RASA3: variants seen among roughly 807,000 people sequenced by gnomAD.
The protein encoded by RASA3 is ras GTPase-activating protein 3.
In RASA3, 73 loss-of-function variants were observed where a neutral mutation model predicts 110.0. The ratio of observed to expected loss-of-function variants is 0.66; its 90% CI spans 0.55 to 0.81. RASA3 has a LOEUF of 0.81. RASA3 is among the 30% of genes least tolerant of loss of function. The probability of loss-of-function intolerance (pLI) is 0.00; values close to 1 mark genes in which losing one functional copy is unlikely to be tolerated. For missense variants in RASA3, 976 were observed against 1,113.2 expected, an observed-to-expected ratio of 0.88 and a Z score of 1.75; for synonymous variants, 500 against 451.4, an observed-to-expected ratio of 1.11 and a Z score of -1.37.
intron 23 of RASA3, among the ~76,000 whole-genome samples, chr13:113,980,649 C>A (rs1357170957): frequency 6.6e-6 from 1 of 152,250 alleles, no homozygotes; most frequent in East Asian, 1.9e-4. Flanking sequence ...GGGGCTGTCT[C>A]CCCAGAAGGG....
rs1199405198 is a variant in RASA3, at chr13:113,981,757, C to T, written c.2347G>A (p.Val783Ile). ...PQETYKTLKQ[V>I]IAGVGALEQE... is the part of the protein sequence containing the mutation. ...TCCAAAGCCCCAACCCCAGCGATGA[C>T]TTGCTTTAGCGTCTTGTAGGTCTCC... Residue 783 changes from valine (V) to isoleucine (I), a missense_variant, in exon 23 of 24, where the codon GTC (valine) becomes ATC (isoleucine). Physicochemically the swap from Val to Ile is conservative, Grantham distance 29. Coordinates refer to ENST00000334062, the MANE Select transcript of RASA3 (RefSeq NM_007368.4). 1 of 1,614,174 alleles carries T rather than the reference C, an allele frequency of 6.2e-7. No homozygotes were observed. Among genetic ancestry groups the T allele is most frequent in the South Asian group, 1.1e-5 (1 of 91,090 alleles).
chr13:114,027,237 C>T lies in RASA3; in HGVS notation c.603+152G>A, dbSNP rs536705572. On this transcript the variant is annotated intron_variant, in intron 7 of 23. Transcript: ENST00000334062. ...CCGGCCGGCGGGGCTCGCTCCTCTC[C>T]GGAAGGAACCCAGGGCCGGCTGGCG... The T allele has an allele frequency of 7.2e-5, 52 of 718,256 alleles. No individual in the cohort carries two copies. In the South Asian group the frequency reaches 8.2e-4, roughly 11 times the overall value. 44.5% of individuals were successfully genotyped at this position (718,256 alleles called of 1,614,324 possible).
rs915154332 is a variant in RASA3 at position 114,056,899 on chromosome 13, C to T, written c.174-4744G>A. ...CTCCAGCCTCCACCCAGGAATTTCT[C>T]CAGCAATGGCTTTAGAACCTTGCTC... is the stretch of plus-strand genomic sequence containing the variant. On this transcript the variant is annotated intron_variant, in intron 2 of 23. Coordinates refer to ENST00000334062, the MANE Select transcript of RASA3 (RefSeq NM_007368.4). This position sits in a 1 kb window ranked among gnomAD's most constrained non-coding sequence, Gnocchi z 5.7. 8.5e-5 allele frequency among the ~76,000 whole-genome samples: 13 copies of T among 152,150 alleles called. No individual in the cohort carries two copies. The highest frequency in any genetic ancestry group is 2.0e-4 in the Admixed American group (3 of 15,286).
At chr13:114,076,849 T>A (rs1416033380) in intron 1 of RASA3, among the ~76,000 whole-genome samples, 1 of 152,092 alleles carries the variant, frequency 6.6e-6, no homozygotes, top group East Asian at 1.9e-4. Flanking sequence ...GTCCTTACCC[T>A]CAAACACAGC....
rs1005174348 is a variant in RASA3, at chr13:114,095,579, C to T, written c.56-21742G>A. Among the ~76,000 whole-genome samples the T allele has an allele frequency of 1.3e-4, 20 of 152,234 alleles. 1 individual carries two copies. The highest frequency in any genetic ancestry group is 2.9e-4 in the African/African-American group (12 of 41,538). On this transcript the variant is annotated intron_variant, in intron 1 of 23. Transcript: ENST00000334062. Reference sequence around the variant, plus strand: ...AGTCTCAGGGCTTCACTCCTTCCTGCGGCTGATTAATGGAGACTTGTTTAT... The same window carrying T: ...AGTCTCAGGGCTTCACTCCTTCCTGTGGCTGATTAATGGAGACTTGTTTAT...
At chr13:114,100,064 T>C (rs1315618007) in intron 1 of RASA3, among the ~76,000 whole-genome samples, 2 of 150,572 alleles carry the variant, frequency 1.3e-5, no homozygotes, top group African/African-American at 2.5e-5. Context: ...GCAAAGCGTC[T>C]GCTCTGGAAG....
At chr13:113,984,753 C>G in intron 22 of RASA3, among the ~76,000 whole-genome samples, 1 of 72,104 alleles carries the variant, frequency 1.4e-5, no homozygotes, top group African/African-American at 4.4e-5. Context: ...TCCATCCACC[C>G]ATTACTCACC....
At chr13:114,105,868 C>T (rs370773400) in intron 1 of RASA3, among the ~76,000 whole-genome samples, 4 of 152,186 alleles carry the variant, frequency 2.6e-5, no homozygotes, top group East Asian at 3.8e-4. Context: ...GAAACTATTA[C>T]GGTAAGCTAC....
intron 8 of RASA3, among the ~76,000 whole-genome samples, chr13:114,023,121 G>T (rs568339897): frequency 1.3e-5 from 2 of 152,222 alleles, no homozygotes; most frequent in Admixed American, 1.3e-4. Flanking sequence ...TCCCATTAAG[G>T]GTCCCCCCAG....
intron 21 of RASA3, among the ~76,000 whole-genome samples, 163 bp from the exon 22 acceptor site, chr13:113,992,751 T>C (rs1202503463): frequency 3.3e-5 from 5 of 152,256 alleles, no homozygotes; most frequent in Admixed American, 3.3e-4. Context: ...AGCCGGTGTG[T>C]TGGCTTGCTG....
chr13:113,997,898 T>C (rs1029042923), intron 20 of RASA3, among the ~76,000 whole-genome samples: 4 of 152,216 alleles, frequency 2.6e-5, no homozygotes, highest in East Asian at 3.9e-4. Context: ...ACCCGGCACA[T>C]GTGTATAGGT....
intron 18 of RASA3, among the ~76,000 whole-genome samples, chr13:114,003,725 C>T (rs1450937466): frequency 1.3e-5 from 2 of 152,180 alleles, no homozygotes; most frequent in African/African-American, 2.4e-5. Flanking sequence ...AGCTCACAGC[C>T]TATGCCCCTT....
At position 114,073,779 on chromosome 13, in the gene RASA3, G is replaced by A; in HGVS notation, c.114C>T (p.Cys38=). The A allele has an allele frequency of 6.2e-7, 1 of 1,614,216 alleles. No individual in the cohort carries two copies. The highest frequency in any genetic ancestry group is 8.5e-7 in the Non-Finnish European group (1 of 1,180,040). Residue 38 remains cysteine, a synonymous_variant, in exon 2 of 24, where the codon TGC becomes TGT. Transcript: ENST00000334062. The part of the protein sequence containing the change: ...PGPSKMRDCY[C]TVNLDQEEVF... ...CCTCCTCCTGGTCCAGGTTCACCGT[G>A]CAGTAGCAATCCCTCATCTTGCTCG...
At chr13:114,030,989 C>T (rs1280708087) in intron 4 of RASA3, among the ~76,000 whole-genome samples, 1 of 151,254 alleles carries the variant, frequency 6.6e-6, no homozygotes, top group African/African-American at 2.4e-5. Context: ...GTGTGTCCGC[C>T]TGTGTGTGCG....
intron 18 of RASA3, among the ~76,000 whole-genome samples, chr13:114,005,378 GCT>G (rs775289522): frequency 6.6e-6 from 1 of 152,222 alleles, no homozygotes; most frequent in Non-Finnish European, 1.5e-5. Flanking sequence ...AGGTTGATGG[GCT>G]CTGATGCTCC....
In RASA3 at chr13:114,025,015, G is replaced by T. The variant is rs556566917; in HGVS notation, c.604-660C>A. 1.1e-3 allele frequency among the ~76,000 whole-genome samples: 174 copies of T among 151,668 alleles called. 1 individual carries two copies. Among genetic ancestry groups the T allele is most frequent in the African/African-American group, 4.1e-3 (167 of 40,920 alleles). ...AGCAGAGCAGGAGGCCGACCCACAG[G>T]CTCCAGGAGACAGTGGTTATCACCT... is the stretch of plus-strand genomic sequence containing the variant. On this transcript the variant is annotated intron_variant, in intron 7 of 23. Coordinates refer to ENST00000334062, the MANE Select transcript of RASA3 (RefSeq NM_007368.4).
At chr13:113,980,780 C>G (rs546997108) in intron 23 of RASA3, among the ~76,000 whole-genome samples, 1 of 152,328 alleles carries the variant, frequency 6.6e-6, no homozygotes, top group Admixed American at 6.5e-5. Context: ...TGTCACTCTC[C>G]TGGAGCCTCA....
At position 114,029,818 on chromosome 13, in the gene RASA3, C is replaced by A; in HGVS notation, c.442G>T (p.Ala148Ser). Residue 148 changes from alanine (A) to serine (S), a missense_variant, in exon 5 of 24, where the codon GCC becomes TCC. Coordinates refer to ENST00000334062, the MANE Select transcript of RASA3 (RefSeq NM_007368.4). ...AGTGAGGACGTGTCTTACCGTGTGG[C>A]GAGCTTGTGGCAGACGACCCCAGTG... ...TDTGVVCHKL[A>S]TRIVECQGLP... 1 of 1,592,164 alleles carries A rather than the reference C, an allele frequency of 6.3e-7. No homozygotes were observed. Among genetic ancestry groups the A allele is most frequent in the Non-Finnish European group, 8.5e-7 (1 of 1,169,772 alleles).
chr13:114,131,063 T>C (rs940999950), intron 1 of RASA3, among the ~76,000 whole-genome samples: 3 of 152,250 alleles, frequency 2.0e-5, no homozygotes, highest in African/African-American at 7.2e-5. Context: ...CCCTCCTCTC[T>C]GGACTACTCA....
Sources: gnomAD v4.1 joint callset for allele counts (sites outside exome capture counted in the v4.1 genomes callset) on GRCh38, gnomAD v4.1.1 for gene constraint, Gnocchi (gnomAD v3.1) non-coding constraint, MANE v1.5 for transcripts, NCBI Gene and HGNC (gene_info 2026-07-23, HGNC 2026-07-21) for gene names.